SEMA3D: variants seen among roughly 807,000 people sequenced by gnomAD.
The protein encoded by SEMA3D is semaphorin 3D.
A neutral mutation model predicts 100.1 loss-of-function variants in SEMA3D; 84 were observed. The observed-to-expected ratio is 0.84, with a 90% confidence interval of 0.70 to 1.01. SEMA3D has a LOEUF of 1.01. SEMA3D is among the 50% of genes least tolerant of loss of function. The pLI, the probability that SEMA3D is intolerant of heterozygous loss-of-function variation, is 0.00. For synonymous variants in SEMA3D, 312 were observed against 320.7 expected (o/e 0.97, Z 0.29); for missense variants, 875 against 934.1 (o/e 0.94, Z 0.82).
At chr7:85,162,278 G>A (rs1790768635) in intron 1 of SEMA3D, among the ~76,000 whole-genome samples, 1 of 151,966 alleles carries the variant, frequency 6.6e-6, no homozygotes, top group African/African-American at 2.4e-5. Context: ...TATGTCCTGC[G>A]CAATTCATGT....
chr7:85,051,630 C>A (rs1486134626), intron 9 of SEMA3D, among the ~76,000 whole-genome samples: 1 of 151,910 alleles, frequency 6.6e-6, no homozygotes, highest in Non-Finnish European at 1.5e-5. Context: ...TGCTGATTTT[C>A]AAATTTATGA....
chr7:85,243,869 T>G, the SEMA3D span, among the ~76,000 whole-genome samples: 1 of 152,186 alleles, frequency 6.6e-6, no homozygotes, highest in African/African-American at 2.4e-5. Flanking sequence ...ATAAATCACG[T>G]CCATACTATC....
chr7:85,166,052 C>T (rs535860173), intron 1 of SEMA3D, among the ~76,000 whole-genome samples: 12 of 152,080 alleles, frequency 7.9e-5, no homozygotes, highest in South Asian at 2.1e-4. Context: ...GCCAAGAATA[C>T]GGTTAATGGC....
intron 4 of SEMA3D, among the ~76,000 whole-genome samples, chr7:85,092,874 T>C (rs1788438713): frequency 6.6e-6 from 1 of 152,020 alleles, no homozygotes; most frequent in Non-Finnish European, 1.5e-5. Flanking sequence ...CAGAGGCAAA[T>C]AAACTCTTGT....
intron 2 of SEMA3D, among the ~76,000 whole-genome samples, chr7:85,123,769 T>C (rs1298304057): frequency 6.6e-6 from 1 of 152,122 alleles, no homozygotes; most frequent in African/African-American, 2.4e-5. Context: ...ATATAATCTG[T>C]CAACATTTAA....
intron 1 of SEMA3D, chr7:85,167,254 G>A: frequency 1.0e-6 from 1 of 984,278 alleles, no homozygotes; most frequent in Non-Finnish European, 1.2e-6. Context: ...TGCCTCATCT[G>A]GAGGTCTTGG....
At chr7:85,009,033 C>T (rs1186248467) in intron 17 of SEMA3D, among the ~76,000 whole-genome samples, 1 of 151,616 alleles carries the variant, frequency 6.6e-6, no homozygotes, top group Non-Finnish European at 1.5e-5. Flanking sequence ...ACCTTTTGGT[C>T]CCAGGCATTT....
At chr7:85,173,541 G>T (rs750410097) in intron 1 of SEMA3D, among the ~76,000 whole-genome samples, 1 of 152,098 alleles carries the variant, frequency 6.6e-6, no homozygotes, top group Non-Finnish European at 1.5e-5. Context: ...CCACCAAGGG[G>T]CTGTTCTTTG....
intron 1 of SEMA3D, among the ~76,000 whole-genome samples, chr7:85,184,403 T>C (rs549570458): frequency 6.6e-6 from 1 of 152,124 alleles, no homozygotes; most frequent in East Asian, 1.9e-4. Context: ...CCCCCAGCAA[T>C]ACAATTTTTT....
chr7:85,135,570 G>A (rs1399753037), intron 2 of SEMA3D, among the ~76,000 whole-genome samples: 1 of 151,646 alleles, frequency 6.6e-6, no homozygotes, highest in East Asian at 1.9e-4. Context: ...ATGAGTTAAT[G>A]GGTGCAGCAC....
chr7:85,192,932 A>G, the SEMA3D span, among the ~76,000 whole-genome samples: 1 of 152,146 alleles, frequency 6.6e-6, no homozygotes, highest in Non-Finnish European at 1.5e-5. Flanking sequence ...ATTTTTAAAA[A>G]TCTCTACTTT....
chr7:85,182,119 A>C (rs902530349), intron 1 of SEMA3D, among the ~76,000 whole-genome samples: 1 of 148,556 alleles, frequency 6.7e-6, no homozygotes, highest in Non-Finnish European at 1.5e-5. Flanking sequence ...AGGTATTTAA[A>C]TTTAGGATGA....
intron 17 of SEMA3D, 82 bp downstream of exon 17, chr7:85,012,700 G>T: frequency 1.9e-6 from 2 of 1,054,420 alleles, no homozygotes; most frequent in Non-Finnish European, 2.9e-6. Flanking sequence ...ATAATAGATG[G>T]TTTAAGTCAT....
intron 8 of SEMA3D, among the ~76,000 whole-genome samples, chr7:85,063,802 A>G (rs1791540174): frequency 6.6e-6 from 1 of 152,300 alleles, no homozygotes; most frequent in Admixed American, 6.5e-5. Flanking sequence ...TCATGGTTTC[A>G]AGATAATATT....
At chr7:85,235,967 G>A in the SEMA3D span, among the ~76,000 whole-genome samples, 1 of 152,088 alleles carries the variant, frequency 6.6e-6, no homozygotes, top group African/African-American at 2.4e-5. Flanking sequence ...AAATTTCTTA[G>A]TATATGAGTT....
the SEMA3D span, among the ~76,000 whole-genome samples, chr7:85,209,568 A>G: frequency 6.6e-6 from 1 of 151,970 alleles, no homozygotes; most frequent in Non-Finnish European, 1.5e-5. Flanking sequence ...AAGAGCAAAA[A>G]GAATTATTAT....
At chr7:85,135,492 C>A (rs1009211330) in intron 2 of SEMA3D, among the ~76,000 whole-genome samples, 1 of 151,638 alleles carries the variant, frequency 6.6e-6, no homozygotes, top group African/African-American at 2.4e-5. Context: ...ACATAACACA[C>A]CGGGGCCTGT....
the SEMA3D span, among the ~76,000 whole-genome samples, chr7:85,207,346 C>T: frequency 6.6e-6 from 1 of 151,982 alleles, no homozygotes; most frequent in African/African-American, 2.4e-5. Flanking sequence ...CATACATTGA[C>T]AAGGAGGTTT....
the SEMA3D span, among the ~76,000 whole-genome samples, chr7:85,243,856 T>G: frequency 1.3e-5 from 2 of 152,220 alleles, no homozygotes; most frequent in African/African-American, 4.8e-5. Flanking sequence ...CAGAATTTAT[T>G]TTATAAATCA....
Sources: gnomAD v4.1 joint callset for allele counts (sites outside exome capture counted in the v4.1 genomes callset) on GRCh38, gnomAD v4.1.1 for gene constraint, MANE v1.5 for transcripts, NCBI Gene and HGNC (gene_info 2026-07-23, HGNC 2026-07-21) for gene names.